The following RABGEF1 variants were observed in gnomAD, a reference collection of about 807,000 sequenced individuals.
RABGEF1 encodes RAB guanine nucleotide exchange factor 1, also known as rab5 GDP/GTP exchange factor.
RABGEF1 carries 26 observed loss-of-function variants against 57.3 expected under a neutral mutation model. The observed-to-expected ratio is 0.45, with a 90% confidence interval of 0.33 to 0.63. The LOEUF (loss-of-function observed/expected upper bound fraction) is 0.63. RABGEF1 is among the 20% of genes least tolerant of loss of function. RABGEF1 has a pLI of 0.02. For synonymous variants in RABGEF1, 185 were observed against 210.7 expected, an observed-to-expected ratio of 0.88 and a Z score of 1.06; for missense variants, 464 against 607.6, an observed-to-expected ratio of 0.76 and a Z score of 2.48.
chr7:66,744,629 C>T (rs1282689154), intron 1 of RABGEF1, among the ~76,000 whole-genome samples: 1 of 144,204 alleles, frequency 6.9e-6, no homozygotes, highest in Non-Finnish European at 1.5e-5. Flanking sequence ...GATGGCGCCA[C>T]TGCACTCCAG....
intron 5 of RABGEF1, 41 bp from the exon 6 acceptor site, chr7:66,797,333 A>AAT (rs749377223): frequency 4.4e-5 from 68 of 1,535,448 alleles, no homozygotes; most frequent in Non-Finnish European, 5.5e-5. Context: ...AGAGAGAAAA[A>AAT]ATATATATAT....
chr7:66,660,430 A>G, the RABGEF1 span, among the ~76,000 whole-genome samples: 10 of 152,338 alleles, frequency 6.6e-5, no homozygotes, highest in African/African-American at 1.9e-4. Flanking sequence ...AGATAATACC[A>G]CAAACATAGG....
rs1239107504 is a variant in RABGEF1, at chr7:66,775,406, T to TA, written c.346+14dup. On this transcript the variant is annotated intron_variant, in intron 3 of 8. Transcript: ENST00000284957. ...GGATCAAAGAAGGGTAATGTTCTGA[T>TA]ACTCTTTTTTTTCTTCTCTGCCTGA... is the stretch of plus-strand genomic sequence containing the variant. The TA allele has an allele frequency of 1.3e-5, 21 of 1,611,656 alleles. No homozygotes were observed. Among genetic ancestry groups the TA allele is most frequent in the Non-Finnish European group, 1.8e-5 (21 of 1,178,404 alleles).
At chr7:66,746,134 A>T (rs1418127004) in intron 1 of RABGEF1, among the ~76,000 whole-genome samples, 1 of 152,186 alleles carries the variant, frequency 6.6e-6, no homozygotes, top group Non-Finnish European at 1.5e-5. Flanking sequence ...CAGTTATCCC[A>T]CTTAATATTA....
chr7:66,752,785 G>A (rs1316580520), intron 1 of RABGEF1, among the ~76,000 whole-genome samples: 2 of 152,182 alleles, frequency 1.3e-5, no homozygotes. Flanking sequence ...TGATATTGAT[G>A]TACATTCAAG....
intron 4 of RABGEF1, among the ~76,000 whole-genome samples, chr7:66,795,188 T>G (rs2129171046): frequency 6.6e-6 from 1 of 152,286 alleles, no homozygotes; most frequent in South Asian, 2.1e-4. Context: ...TGTGAGTGTC[T>G]CGGATTCCCC....
chr7:66,714,897 T>C (rs1342661021), intron 2 of RABGEF1, among the ~76,000 whole-genome samples: 1 of 152,176 alleles, frequency 6.6e-6, no homozygotes, highest in Admixed American at 6.5e-5. Context: ...ATCCTGCCAC[T>C]GCACTCCAGC....
chr7:66,799,233 C>T, intron 6 of RABGEF1, 90 bp from the exon 7 acceptor site: 1 of 993,618 alleles, frequency 1.0e-6, no homozygotes, highest in Non-Finnish European at 1.6e-6. Context: ...GTCAGTGATG[C>T]CTCAGGCTTT....
intron 3 of RABGEF1, among the ~76,000 whole-genome samples, chr7:66,783,101 T>G (rs1204686940): frequency 6.6e-6 from 1 of 152,240 alleles, no homozygotes; most frequent in Non-Finnish European, 1.5e-5. Flanking sequence ...TATGCTTTGT[T>G]GTGTTTATCA....
At chr7:66,719,441 G>A (rs1321596012) in intron 2 of RABGEF1, among the ~76,000 whole-genome samples, 2 of 152,164 alleles carry the variant, frequency 1.3e-5, no homozygotes, top group Non-Finnish European at 2.9e-5. Context: ...CTGGCCTCAA[G>A]CACCTCGGCC....
the RABGEF1 span, among the ~76,000 whole-genome samples, chr7:66,659,135 G>C: frequency 6.6e-6 from 1 of 152,292 alleles, no homozygotes; most frequent in Middle Eastern, 3.4e-3. Flanking sequence ...TATTGCTTAT[G>C]AACATTGATT....
intron 1 of RABGEF1, among the ~76,000 whole-genome samples, chr7:66,697,481 C>T (rs1158114535): frequency 2.6e-5 from 4 of 152,144 alleles, no homozygotes; most frequent in African/African-American, 9.7e-5. Context: ...CCATCCCAGC[C>T]GCCAGCTCCC....
chr7:66,703,145 T>C (rs974211151), intron 1 of RABGEF1, among the ~76,000 whole-genome samples: 4 of 152,112 alleles, frequency 2.6e-5, no homozygotes, highest in Non-Finnish European at 5.9e-5. Flanking sequence ...GGCTAATTTT[T>C]TTTGTAGTTT....
intron 1 of RABGEF1, among the ~76,000 whole-genome samples, chr7:66,698,109 C>A (rs536357413): frequency 1.3e-5 from 2 of 152,156 alleles, no homozygotes; most frequent in Non-Finnish European, 2.9e-5. Flanking sequence ...GCACCCCCCC[C>A]ACCCTCAGAC....
At chr7:66,753,349 A>AT (rs1411521516) in intron 1 of RABGEF1, among the ~76,000 whole-genome samples, 1 of 152,202 alleles carries the variant, frequency 6.6e-6, no homozygotes, top group Non-Finnish European at 1.5e-5. Context: ...CCAGAGTTCG[A>AT]TGTAAATTTG....
At chr7:66,683,126 T>C (rs971461844) in intron 1 of RABGEF1, among the ~76,000 whole-genome samples, 25 of 152,210 alleles carry the variant, frequency 1.6e-4, no homozygotes, top group Admixed American at 4.6e-4. Context: ...CCTCTCTAAA[T>C]CTAAAACTGC....
At chr7:66,686,801 T>C (rs981174559) in intron 1 of RABGEF1, among the ~76,000 whole-genome samples, 4 of 152,118 alleles carry the variant, frequency 2.6e-5, no homozygotes, top group Admixed American at 2.0e-4. Context: ...CTAATTTTTA[T>C]TTATAGTAGA....
chr7:66,675,291 G>A, the RABGEF1 span, among the ~76,000 whole-genome samples: 3 of 152,236 alleles, frequency 2.0e-5, no homozygotes, highest in South Asian at 4.2e-4. Context: ...TTAGCCAGGC[G>A]TGGTGGCAGG....
chr7:66,808,348 G>A lies in RABGEF1; in HGVS notation c.1078-538G>A, dbSNP rs537891426. Among the ~76,000 whole-genome samples the A allele has an allele frequency of 1.3e-3, 193 of 151,970 alleles. 1 individual carries two copies. The highest frequency in any genetic ancestry group is 4.4e-3 in the African/African-American group (182 of 41,440). The stretch of plus-strand genomic sequence containing the variant: ...CTCCTGCCTCAGTCTCCCAGGTAGC[G>A]GGGATTACAGGCGCCCACAACTGCG... On this transcript the variant is annotated intron_variant, in intron 8 of 8. Coordinates refer to ENST00000284957, the MANE Select transcript of RABGEF1 (RefSeq NM_014504.3).
Sources: allele counts gnomAD v4.1 joint callset (sites outside exome capture counted in the v4.1 genomes callset), GRCh38; gene constraint gnomAD v4.1.1; transcripts MANE v1.5; gene names NCBI Gene and HGNC (gene_info 2026-07-23, HGNC 2026-07-21).